Variants in MTHFD1L observed in about 807,000 individuals in gnomAD.
MTHFD1L encodes monofunctional C1-tetrahydrofolate synthase, mitochondrial.
In MTHFD1L, 81 loss-of-function variants were observed where a neutral mutation model predicts 119.5. That is an observed-to-expected ratio of 0.68 (90% CI 0.57 to 0.82). MTHFD1L has a LOEUF of 0.82. Ranked by LOEUF, MTHFD1L falls within the 40% of genes least tolerant of loss-of-function variation. The probability of loss-of-function intolerance (pLI) is 0.00; values close to 1 mark genes in which losing one functional copy is unlikely to be tolerated. For missense variants in MTHFD1L, 1,125 were observed against 1,253.4 expected (o/e 0.90, Z 1.55); for synonymous variants, 430 against 475.2 (o/e 0.90, Z 1.24).
intron 5 of MTHFD1L, among the ~76,000 whole-genome samples, chr6:150,884,981 T>C (rs1201557256): frequency 6.6e-6 from 1 of 152,130 alleles, no homozygotes; most frequent in East Asian, 1.9e-4. Context: ...TGTGTAACTC[T>C]AGGGATGCTA....
intron 5 of MTHFD1L, among the ~76,000 whole-genome samples, chr6:150,883,451 G>A (rs1781696963): frequency 6.6e-6 from 1 of 152,104 alleles, no homozygotes; most frequent in Non-Finnish European, 1.5e-5. Flanking sequence ...ATAAATTCCG[G>A]TCTGACTTAT....
chr6:150,989,040 T>G (rs1486576327), intron 20 of MTHFD1L, among the ~76,000 whole-genome samples: 1 of 152,226 alleles, frequency 6.6e-6, no homozygotes, highest in African/African-American at 2.4e-5. Context: ...ACGCCTGGCC[T>G]ATTAGGGATC....
chr6:150,905,217 A>G (rs761570737), intron 7 of MTHFD1L, among the ~76,000 whole-genome samples: 5 of 151,842 alleles, frequency 3.3e-5, no homozygotes, highest in Non-Finnish European at 5.9e-5. Context: ...TATTTTTAGT[A>G]GAGACAGGGT....
chr6:150,938,866 T>G (rs3734416), intron 13 of MTHFD1L, 121 bp downstream of exon 13: 1 of 1,148,642 alleles, frequency 8.7e-7, no homozygotes, highest in Non-Finnish European at 1.3e-6. Flanking sequence ...ATTAAGGCTC[T>G]GAAACCCCAA....
chr6:150,911,284 T>G (rs545676253), intron 8 of MTHFD1L, among the ~76,000 whole-genome samples: 1 of 152,322 alleles, frequency 6.6e-6, no homozygotes, highest in South Asian at 2.1e-4. Context: ...TTTACTAATA[T>G]TTTAATTTTT....
At chr6:151,029,671 C>T (rs950684336) in intron 24 of MTHFD1L, among the ~76,000 whole-genome samples, 1 of 152,086 alleles carries the variant, frequency 6.6e-6, no homozygotes, top group Non-Finnish European at 1.5e-5. Flanking sequence ...TGGCACATGC[C>T]TGTAATCCCA....
At chr6:150,907,304 C>G (rs1218697531) in intron 8 of MTHFD1L, among the ~76,000 whole-genome samples, 1 of 151,960 alleles carries the variant, frequency 6.6e-6, no homozygotes, top group Non-Finnish European at 1.5e-5. Flanking sequence ...AATAAGGTTT[C>G]CTTTTAGGAC....
At chr6:150,932,407 G>A (rs373809564) in intron 11 of MTHFD1L, among the ~76,000 whole-genome samples, 28 of 152,204 alleles carry the variant, frequency 1.8e-4, no homozygotes, top group African/African-American at 4.6e-4. Context: ...GAAATCTGCC[G>A]GGAGAAGTGG....
intron 20 of MTHFD1L, among the ~76,000 whole-genome samples, chr6:150,997,787 A>C (rs751944172): frequency 2.6e-5 from 4 of 152,192 alleles, no homozygotes; most frequent in Admixed American, 1.3e-4. Flanking sequence ...CAAAACAAAA[A>C]AAATACATAC....
chr6:151,073,426 G>T (rs11155772), intron 26 of MTHFD1L, among the ~76,000 whole-genome samples: 40,700 of 152,000 alleles, frequency 0.27, 5,595 homozygotes, highest in South Asian at 0.44. Flanking sequence ...ACTAAGAAGG[G>T]TCTTGCCAGA....
intron 1 of MTHFD1L, among the ~76,000 whole-genome samples, chr6:150,871,098 AATAT>A (rs563676579): frequency 6.9e-6 from 1 of 144,406 alleles, no homozygotes; most frequent in Non-Finnish European, 1.5e-5. Context: ...TACACACCTT[AATAT>A]ATATATAATA....
At chr6:151,069,480 C>T (rs1292426403) in intron 26 of MTHFD1L, among the ~76,000 whole-genome samples, 2 of 152,258 alleles carry the variant, frequency 1.3e-5, no homozygotes, top group Non-Finnish European at 2.9e-5. Context: ...CTTCACCCCT[C>T]CTTACCCTTG....
intron 26 of MTHFD1L, among the ~76,000 whole-genome samples, chr6:151,067,602 G>GT (rs1252901702): frequency 6.6e-6 from 1 of 152,234 alleles, no homozygotes; most frequent in Non-Finnish European, 1.5e-5. Context: ...GGGATTACAG[G>GT]TGTGAGCCAC....
intron 6 of MTHFD1L, among the ~76,000 whole-genome samples, chr6:150,886,995 A>G (rs756021874): frequency 7.9e-4 from 113 of 142,596 alleles, no homozygotes; most frequent in Non-Finnish European, 1.4e-3. Flanking sequence ...ATCCTATCTG[A>G]AAAAAAAAAA....
chr6:150,956,897 C>G (rs1444158768), intron 17 of MTHFD1L, among the ~76,000 whole-genome samples: 1 of 149,280 alleles, frequency 6.7e-6, no homozygotes, highest in East Asian at 2.0e-4. Flanking sequence ...GACCTCGTCT[C>G]CTCCCAGTCC....
At chr6:150,870,963 T>TATA (rs1562284972) in intron 1 of MTHFD1L, among the ~76,000 whole-genome samples, 13 of 128,504 alleles carry the variant, frequency 1.0e-4, no homozygotes, top group African/African-American at 3.2e-4. Flanking sequence ...ATATATATAT[T>TATA]ATATATATAA....
At chr6:150,932,471 A>C (rs928206084) in intron 11 of MTHFD1L, among the ~76,000 whole-genome samples, 1 of 152,064 alleles carries the variant, frequency 6.6e-6, no homozygotes, top group African/African-American at 2.4e-5. Flanking sequence ...CTAAGCTCCC[A>C]TAGAAAAAGA....
intron 19 of MTHFD1L, among the ~76,000 whole-genome samples, chr6:150,965,660 G>GAAAAA (rs5880907): frequency 6.9e-6 from 1 of 144,386 alleles, no homozygotes; most frequent in African/African-American, 2.5e-5. Context: ...GACTCCGTCT[G>GAAAAA]AAAAAAAAAA....
intron 26 of MTHFD1L, among the ~76,000 whole-genome samples, chr6:151,049,103 G>C (rs11155771): frequency 0.52 from 79,182 of 152,102 alleles, 21,959 homozygotes; most frequent in African/African-American, 0.71. Context: ...TGCCTGTAAT[G>C]CCAACACTTT....
Sources: gnomAD v4.1 joint callset for allele counts (sites outside exome capture counted in the v4.1 genomes callset) on GRCh38, gnomAD v4.1.1 for gene constraint, MANE v1.5 for transcripts, NCBI Gene and HGNC (gene_info 2026-07-23, HGNC 2026-07-21) for gene names.